TCTN2: variants seen among roughly 807,000 people sequenced by gnomAD.
The protein encoded by TCTN2 is tectonic-2.
Under a neutral mutation model 83.4 loss-of-function variants are expected in TCTN2, and 66 were observed. The ratio of observed to expected loss-of-function variants is 0.79; its 90% CI spans 0.65 to 0.97. The LOEUF is 0.97. Ranked by LOEUF, TCTN2 falls within the 50% of genes least tolerant of loss-of-function variation. TCTN2 has a pLI of 0.00. For missense variants in TCTN2, 794 were observed against 858.1 expected, an observed-to-expected ratio of 0.93 and a Z score of 0.93; for synonymous variants, 301 against 326.7, an observed-to-expected ratio of 0.92 and a Z score of 0.85.
intron 14 of TCTN2, 51 bp from the exon 15 acceptor site, chr12:123,704,481 A>G: frequency 1.3e-6 from 2 of 1,553,816 alleles, no homozygotes; most frequent in Non-Finnish European, 1.7e-6. Context: ...ACATTGTAGG[A>G]AAACTTATCA....
At position 123,685,790 on chromosome 12, in the gene TCTN2, A is replaced by G. The variant is rs189289917; in HGVS notation, c.565-1046A>G. On this transcript the variant is annotated intron_variant, in intron 5 of 17. Transcript: ENST00000303372. ...GCCCAGGCTGGACTTCAGTGGCCCA[A>G]TCATGGCTCACTGCAGCCTCAGCCT... is the stretch of plus-strand genomic sequence containing the variant. Among the ~76,000 whole-genome samples, 13 of 147,096 alleles carry G rather than the reference A, an allele frequency of 8.8e-5. No individual in the cohort carries two copies. The East Asian group carries it at 1.2e-3, about 13-fold the overall frequency.
chr12:123,707,429 C>T (rs538546092), intron 17 of TCTN2, among the ~76,000 whole-genome samples, 175 bp from the exon 18 acceptor site: 3 of 152,120 alleles, frequency 2.0e-5, no homozygotes, highest in African/African-American at 7.2e-5. Context: ...TTAGTAGAGA[C>T]GGGGTTTCAC....
At chr12:123,680,081 A>G (rs1035936898) in intron 5 of TCTN2, among the ~76,000 whole-genome samples, 3 of 151,698 alleles carry the variant, frequency 2.0e-5, no homozygotes, top group African/African-American at 4.8e-5. Context: ...TGGTGGGCGC[A>G]GTGGCGCATA....
chr12:123,679,736 GTT>G (rs768949387), intron 5 of TCTN2, among the ~76,000 whole-genome samples: 2 of 105,756 alleles, frequency 1.9e-5, no homozygotes, highest in Admixed American at 1.0e-4. Context: ...TTCAAATTGA[GTT>G]TTTTTTTTTT....
chr12:123,698,456 G>T (rs1956135997), intron 13 of TCTN2, among the ~76,000 whole-genome samples: 1 of 149,418 alleles, frequency 6.7e-6, no homozygotes, highest in Non-Finnish European at 1.5e-5. Flanking sequence ...CTTGTTTTTT[G>T]AGACAAGGTC....
At chr12:123,697,596 T>C (rs7957429) in intron 13 of TCTN2, among the ~76,000 whole-genome samples, 41,737 of 151,622 alleles carry the variant, frequency 0.28, 6,090 homozygotes, top group Middle Eastern at 0.36. Context: ...GCCTCTCCGG[T>C]TCAAGCAATT....
chr12:123,687,528 G>A (rs562246423), intron 6 of TCTN2, among the ~76,000 whole-genome samples: 75 of 152,244 alleles, frequency 4.9e-4, no homozygotes, highest in African/African-American at 1.8e-3. Context: ...GTGGTGGCAC[G>A]TGCCTGTAGT....
chr12:123,692,794 C>A, intron 9 of TCTN2, 71 bp downstream of exon 9: 1 of 1,168,488 alleles, frequency 8.6e-7, no homozygotes, highest in Non-Finnish European at 1.3e-6. Context: ...TAATATATAC[C>A]CTCAGAGTGT....
intron 8 of TCTN2, 111 bp from the exon 9 acceptor site, chr12:123,692,547 C>T (rs993698383): frequency 7.1e-6 from 6 of 851,064 alleles, no homozygotes; most frequent in Admixed American, 1.9e-5. Flanking sequence ...GTAGTCAGCA[C>T]CCTGGGCAGT....
Position 123,706,979 on chromosome 12 carries a change from T to G in TCTN2, c.1896-6T>G, listed in dbSNP as rs1352917068. On this transcript the variant is annotated splice_polypyrimidine_tract_variant and splice_region_variant and intron_variant, in intron 16 of 17. Coordinates refer to ENST00000303372, the MANE Select transcript of TCTN2 (RefSeq NM_024809.5). ...AGTTTTTGTAACCCTCTAAAATGTTTTCTAGATTCCAGATCAATTATACAG... is the reference window on the plus strand; with the variant it reads ...AGTTTTTGTAACCCTCTAAAATGTTGTCTAGATTCCAGATCAATTATACAG... 6.2e-7 allele frequency: 1 copy of G among 1,614,126 alleles called. No individual in the cohort carries two copies. The highest frequency in any genetic ancestry group is 8.5e-7 in the Non-Finnish European group (1 of 1,179,986).
At chr12:123,672,429 G>A (rs1315198628) in intron 3 of TCTN2, among the ~76,000 whole-genome samples, 2 of 152,132 alleles carry the variant, frequency 1.3e-5, no homozygotes, top group African/African-American at 4.8e-5. Flanking sequence ...ATCATCAAAT[G>A]GGTCAGTGAT....
chr12:123,694,876 T>C lies in TCTN2; in HGVS notation c.1134T>C (p.Ile378=). The C allele has an allele frequency of 6.2e-7, 1 of 1,613,270 alleles. No homozygotes were observed. Among genetic ancestry groups the C allele is most frequent in the Non-Finnish European group, 8.5e-7 (1 of 1,179,360 alleles). ...TAAATAACGGATCAACCCCTAGAAT[T>C]GTGAATGTGGAAGAACATTATATTT... ...TPLNNGSTPR[I]VNVEEHYIFK... The change falls in exon 10 of 18, where the codon ATT becomes ATC. Residue 378 remains isoleucine (I), a synonymous_variant. Coordinates refer to ENST00000303372, the MANE Select transcript of TCTN2 (RefSeq NM_024809.5).
chr12:123,689,579 T>C (rs1956017304), intron 7 of TCTN2, among the ~76,000 whole-genome samples: 1 of 152,188 alleles, frequency 6.6e-6, no homozygotes, highest in African/African-American at 2.4e-5. Flanking sequence ...ACTTGTGTCA[T>C]GGGGTTTTGT....
At chr12:123,700,621 C>T (rs1039229643) in intron 14 of TCTN2, among the ~76,000 whole-genome samples, 9 of 152,014 alleles carry the variant, frequency 5.9e-5, no homozygotes, top group African/African-American at 1.7e-4. Flanking sequence ...TAAATAGAGA[C>T]GGGGTTTCAC....
chr12:123,672,161 G>A, intron 3 of TCTN2, 29 bp downstream of exon 3: 3 of 1,601,866 alleles, frequency 1.9e-6, no homozygotes, highest in South Asian at 1.1e-5. Context: ...CTTCTCTGTA[G>A]CCTGTGAAGA....
chr12:123,697,044 G>T, intron 12 of TCTN2, 43 bp from the exon 13 acceptor site: 1 of 1,496,144 alleles, frequency 6.7e-7, no homozygotes, highest in East Asian at 2.3e-5. Flanking sequence ...CTTTACTTTT[G>T]TTTAGCAAAA....
intron 4 of TCTN2, among the ~76,000 whole-genome samples, chr12:123,677,436 C>G (rs904021932): frequency 6.6e-6 from 1 of 152,116 alleles, no homozygotes; most frequent in Non-Finnish European, 1.5e-5. Context: ...GGTTTTCTAA[C>G]GTGTACCAAA....
At chr12:123,697,559 G>A (rs1210162186) in intron 13 of TCTN2, among the ~76,000 whole-genome samples, 1 of 152,162 alleles carries the variant, frequency 6.6e-6, no homozygotes, top group Non-Finnish European at 1.5e-5. Context: ...GAGTGCAGTG[G>A]TGCGATCTCG....
chr12:123,696,308 C>T (rs192494269), intron 11 of TCTN2, 107 bp from the exon 12 acceptor site: 9 of 935,178 alleles, frequency 9.6e-6, no homozygotes, highest in Admixed American at 5.4e-5. Flanking sequence ...TCGAAAGCTT[C>T]GCCTATGTGT....
Sources: allele counts gnomAD v4.1 joint callset (sites outside exome capture counted in the v4.1 genomes callset), GRCh38; gene constraint gnomAD v4.1.1; transcripts MANE v1.5; gene names NCBI Gene and HGNC (gene_info 2026-07-23, HGNC 2026-07-21).